Variants in FAM76B observed in about 807,000 individuals in gnomAD.
The protein encoded by FAM76B is protein FAM76B.
Under a neutral mutation model 51.8 loss-of-function variants are expected in FAM76B, and 16 were observed. The ratio of observed to expected loss-of-function variants is 0.31; its 90% CI spans 0.21 to 0.47. The LOEUF (loss-of-function observed/expected upper bound fraction) is 0.47. Ranked by LOEUF, FAM76B falls within the 20% of genes least tolerant of loss-of-function variation. FAM76B has a pLI of 1.00. For missense variants in FAM76B, 342 were observed against 392.6 expected, an observed-to-expected ratio of 0.87 and a Z score of 1.09; for synonymous variants, 166 against 129.5, an observed-to-expected ratio of 1.28 and a Z score of -1.91.
chr11:95,783,968 A>G (rs1860416464), intron 4 of FAM76B, among the ~76,000 whole-genome samples: 1 of 152,200 alleles, frequency 6.6e-6, no homozygotes. Flanking sequence ...GAGTACTGCC[A>G]AAGTGCTGTA....
chr11:95,789,353 G>A (rs924892225), intron 1 of FAM76B, 39 bp downstream of exon 1: 4 of 1,557,650 alleles, frequency 2.6e-6, no homozygotes, highest in Non-Finnish European at 3.5e-6. Flanking sequence ...GGCTACGGCC[G>A]AGGACACCCA....
At chr11:95,772,078 C>T (rs1859791302) in intron 9 of FAM76B, among the ~76,000 whole-genome samples, 1 of 151,046 alleles carries the variant, frequency 6.6e-6, no homozygotes, top group Admixed American at 6.6e-5. Flanking sequence ...TCCTGGCAAG[C>T]TGTATAAGGT....
chr11:95,789,334 G>C, intron 1 of FAM76B, 58 bp downstream of exon 1: 1 of 1,521,026 alleles, frequency 6.6e-7, no homozygotes, highest in African/African-American at 1.4e-5. Context: ...CGGCTACCCG[G>C]CCCCCTCCGG....
At position 95,789,749 on chromosome 11, in the gene FAM76B, G is replaced by C; in HGVS notation, c.-271C>G. The C allele has an allele frequency of 4.5e-6, 2 of 447,482 alleles. No individual in the cohort carries two copies. Among genetic ancestry groups the C allele is most frequent in the Non-Finnish European group, 7.9e-6 (2 of 254,006 alleles). The allele number at this position is 447,482 out of a possible 1,614,324, so 27.7% of individuals were successfully genotyped here. A position where few individuals can be genotyped will look rare whatever the true frequency, so the allele number is the denominator to read the frequency against. On this transcript the variant is annotated 5_prime_UTR_variant, in exon 1 of 10. Transcript: ENST00000358780. ...GCGGCGGAGGGAGACGAAGCGGGTA[G>C]GGGGTTGCTGTTTAGCTGTGCGGCC...
chr11:95,787,811 A>C, intron 2 of FAM76B, 133 bp from the exon 3 acceptor site: 1 of 697,306 alleles, frequency 1.4e-6, no homozygotes, highest in Non-Finnish European at 2.4e-6. Flanking sequence ...TTTCAAATAT[A>C]CAAGGATATT....
chr11:95,769,060 C>G lies in FAM76B; in HGVS notation c.*2501G>C, dbSNP rs910232307. 1 of 152,330 alleles carries G rather than the reference C, an allele frequency of 6.6e-6. No homozygotes were observed. The highest frequency in any genetic ancestry group is 2.4e-5 in the African/African-American group (1 of 41,392). The allele number at this position is 152,330 out of a possible 1,614,324, so 9.4% of individuals were successfully genotyped here. A position where few individuals can be genotyped will look rare whatever the true frequency, so the allele number is the denominator to read the frequency against. On this transcript the variant is annotated 3_prime_UTR_variant, in exon 10 of 10. Transcript: ENST00000358780. ...TATTTCAATAGTCTATACATGTGAACAGCTTAACAGGTTCACTGCAGAATG... is the reference window on the plus strand; with the variant it reads ...TATTTCAATAGTCTATACATGTGAAGAGCTTAACAGGTTCACTGCAGAATG...
chr11:95,789,123 C>G, intron 1 of FAM76B: 1 of 1,356,400 alleles, frequency 7.4e-7, no homozygotes, highest in Non-Finnish European at 9.7e-7. Context: ...CCTCACTCAA[C>G]CCCACTCCTG....
intron 2 of FAM76B, 38 bp downstream of exon 2, chr11:95,788,461 C>G: frequency 6.9e-7 from 1 of 1,452,490 alleles, no homozygotes; most frequent in Non-Finnish European, 9.6e-7. Context: ...AAAGACAACA[C>G]TTGTCTTTAA....
Position 95,783,459 on chromosome 11 carries a change from G to C in FAM76B, c.364-195C>G, listed in dbSNP as rs147083334. 1.6e-3 allele frequency among the ~76,000 whole-genome samples: 246 copies of C among 152,228 alleles called. 1 individual carries two copies. Among genetic ancestry groups the C allele is most frequent in the African/African-American group, 5.5e-3 (229 of 41,540 alleles). ...CTGAAACTTGAGAAAATACTTGTTA[G>C]GAGAATTATAAAACTGATGAGGATG... On this transcript the variant is annotated intron_variant, in intron 4 of 9. Coordinates refer to ENST00000358780, the MANE Select transcript of FAM76B (RefSeq NM_144664.5).
In FAM76B at chr11:95,771,170, T is replaced by G. The variant is rs1039641998; in HGVS notation, c.*391A>C. 1 of 151,928 alleles carries G rather than the reference T, an allele frequency of 6.6e-6. No homozygotes were observed. Among genetic ancestry groups the G allele is most frequent in the Non-Finnish European group, 1.5e-5 (1 of 67,586 alleles). The allele number at this position is 151,928 out of a possible 1,614,324, so 9.4% of individuals were successfully genotyped here. On this transcript the variant is annotated 3_prime_UTR_variant, in exon 10 of 10. Transcript: ENST00000358780. ...GTTTTTGTATTTCTAAATTGAAAAC[T>G]GTTTGTCTGAAATTAGCATAGTGTA...
At chr11:95,775,574 C>T (rs1166084045) in intron 9 of FAM76B, among the ~76,000 whole-genome samples, 1 of 151,400 alleles carries the variant, frequency 6.6e-6, no homozygotes, top group Non-Finnish European at 1.5e-5. Flanking sequence ...GGAATGATTG[C>T]TACTGAAGAC....
In FAM76B at chr11:95,769,105, T is replaced by C. The variant is rs1290185274; in HGVS notation, c.*2456A>G. ...AGAATGCATATTTAGACCAATATAA[T>C]CTAAAAAGGACTGCAATATTCACAG... On this transcript the variant is annotated 3_prime_UTR_variant, in exon 10 of 10. Transcript: ENST00000358780. 6.6e-6 allele frequency: 1 copy of C among 152,352 alleles called. No homozygotes were observed. The highest frequency in any genetic ancestry group is 2.4e-5 in the African/African-American group (1 of 41,418). The allele number at this position is 152,352 out of a possible 1,614,324, so 9.4% of individuals were successfully genotyped here. A position where few individuals can be genotyped will look rare whatever the true frequency, so the allele number is the denominator to read the frequency against.
At chr11:95,777,451 T>TG (rs757759951) in intron 8 of FAM76B, among the ~76,000 whole-genome samples, 1 of 151,382 alleles carries the variant, frequency 6.6e-6, no homozygotes, top group Non-Finnish European at 1.5e-5. Flanking sequence ...GATTACTACT[T>TG]GGTTTTGAAA....
intron 2 of FAM76B, 141 bp from the exon 3 acceptor site, chr11:95,787,819 A>C: frequency 1.5e-6 from 1 of 666,400 alleles, no homozygotes; most frequent in Non-Finnish European, 2.5e-6. Flanking sequence ...ATACAAGGAT[A>C]TTTTCAGAGT....
At chr11:95,782,336 G>A (rs962912519) in intron 5 of FAM76B, among the ~76,000 whole-genome samples, 4 of 151,630 alleles carry the variant, frequency 2.6e-5, no homozygotes, top group East Asian at 1.9e-4. Flanking sequence ...AACCAAATAC[G>A]GATCAAAAAT....
chr11:95,780,099 G>A (rs1187889668), intron 5 of FAM76B, among the ~76,000 whole-genome samples, 173 bp from the exon 6 acceptor site: 1 of 151,784 alleles, frequency 6.6e-6, no homozygotes, highest in Non-Finnish European at 1.5e-5. Context: ...ACATTCTGAT[G>A]AAATAAATTT....
chr11:95,771,913 AAAG>A (rs1859784420), intron 9 of FAM76B, among the ~76,000 whole-genome samples: 1 of 151,130 alleles, frequency 6.6e-6, no homozygotes, highest in African/African-American at 2.4e-5. Flanking sequence ...TGGTTACAAA[AAAG>A]GAAACAAAGT....
chr11:95,777,596 T>C (rs1014638410), intron 8 of FAM76B, among the ~76,000 whole-genome samples: 2 of 151,368 alleles, frequency 1.3e-5, no homozygotes, highest in Non-Finnish European at 3.0e-5. Context: ...AAAAATGCTG[T>C]CAATCAAAAA....
chr11:95,770,217 T>A lies in FAM76B; in HGVS notation c.*1344A>T, dbSNP rs1859708385. ...CTATTTCAGGCTGAAAACCGCTGGA[T>A]CAGAATATAGTCAATAACTTCATAT... On this transcript the variant is annotated 3_prime_UTR_variant, in exon 10 of 10. Transcript: ENST00000358780. The A allele has an allele frequency of 6.6e-6, 1 of 151,822 alleles. No homozygotes were observed. Among genetic ancestry groups the A allele is most frequent in the South Asian group, 2.1e-4 (1 of 4,824 alleles). 9.4% of individuals were successfully genotyped at this position (151,822 alleles called of 1,614,324 possible). A position where few individuals can be genotyped will look rare whatever the true frequency, so the allele number is the denominator to read the frequency against.
Sources: gnomAD v4.1 joint callset for allele counts (sites outside exome capture counted in the v4.1 genomes callset) on GRCh38, gnomAD v4.1.1 for gene constraint, MANE v1.5 for transcripts, NCBI Gene and HGNC (gene_info 2026-07-23, HGNC 2026-07-21) for gene names.